GSTO2: variants seen among roughly 807,000 people sequenced by gnomAD.
The protein encoded by GSTO2 is glutathione S-transferase omega 2.
GSTO2 carries 23 observed loss-of-function variants against 28.4 expected under a neutral mutation model. The ratio of observed to expected loss-of-function variants is 0.81; its 90% CI spans 0.58 to 1.15. The LOEUF (loss-of-function observed/expected upper bound fraction) is 1.15. Among genes scored for constraint, GSTO2 ranks in the 50% most tolerant of loss-of-function variants. The pLI, the probability that GSTO2 is intolerant of heterozygous loss-of-function variation, is 0.00. For missense variants in GSTO2, 298 were observed against 297.8 expected (o/e 1.00, Z 0.00); for synonymous variants, 109 against 111.0 (o/e 0.98, Z 0.11).
chr10:104,296,365 G>C (rs781751802), intron 5 of GSTO2: 1 of 152,134 alleles, frequency 6.6e-6, no homozygotes, highest in Admixed American at 6.6e-5. Flanking sequence ...GCTCACACCT[G>C]TATTTCCGGC....
chr10:104,285,880 C>T, intron 5 of GSTO2: 2 of 281,630 alleles, frequency 7.1e-6, no homozygotes, highest in Non-Finnish European at 1.5e-5. Flanking sequence ...TTATTAATTT[C>T]CAGTGATGAA....
chr10:104,273,213 A>G (rs1199417334), intron 1 of GSTO2, among the ~76,000 whole-genome samples: 1 of 152,096 alleles, frequency 6.6e-6, no homozygotes, highest in Admixed American at 6.5e-5. Flanking sequence ...AGTAGAAGTT[A>G]CTCTGTTACT....
intron 5 of GSTO2, among the ~76,000 whole-genome samples, chr10:104,283,900 G>A (rs2135115634): frequency 6.6e-6 from 1 of 152,260 alleles, no homozygotes; most frequent in Middle Eastern, 3.4e-3. Flanking sequence ...AGCAAGCCAA[G>A]ATTTCATGCA....
At chr10:104,298,999 A>AAT in intron 6 of GSTO2, 129 bp from the exon 7 acceptor site, 1 of 798,544 alleles carries the variant, frequency 1.3e-6, no homozygotes, top group Non-Finnish European at 1.9e-6. Context: ...CTCACTTGAT[A>AAT]ATAAGATAAC....
rs1325237650 is a variant in GSTO2 at position 104,303,554 on chromosome 10, T to G, written c.*4270T>G. 2 of 152,222 alleles carry G rather than the reference T, an allele frequency of 1.3e-5. No individual in the cohort carries two copies. Among genetic ancestry groups the G allele is most frequent in the East Asian group, 3.9e-4 (2 of 5,186 alleles). The allele number at this position is 152,222 out of a possible 1,614,324, so 9.4% of individuals were successfully genotyped here. On this transcript the variant is annotated 3_prime_UTR_variant, in exon 7 of 7. Coordinates refer to ENST00000338595, the MANE Select transcript of GSTO2 (RefSeq NM_183239.2). Reference sequence around the variant, plus strand: ...TGTGAGCAAAGAAATTATGTTAAGTTGGAACTTATATTTACAGGGGAAGCA... The same window carrying G: ...TGTGAGCAAAGAAATTATGTTAAGTGGGAACTTATATTTACAGGGGAAGCA...
chr10:104,275,226 G>C lies in GSTO2; in HGVS notation c.35G>C (p.Gly12Ala). 2 of 1,612,328 alleles carry C rather than the reference G, an allele frequency of 1.2e-6. No individual in the cohort carries two copies. Among genetic ancestry groups the C allele is most frequent in the Non-Finnish European group, 1.7e-6 (2 of 1,179,124 alleles). ...SGDATRTLGK[G>A]SQPPGPVPEG... is the part of the protein sequence containing the mutation. ...GTCCCCCTCCATCGCTGCTCTGCAG[G>C]AAGCCAGCCCCCAGGGCCAGTCCCG... Residue 12 changes from glycine (G) to alanine (A), a missense_variant and splice_region_variant, in exon 3 of 7, where the codon GGA becomes GCA. Physicochemically the swap from Gly to Ala is moderately conservative, Grantham distance 60. Coordinates refer to ENST00000338595, the MANE Select transcript of GSTO2 (RefSeq NM_183239.2).
At position 104,274,940 on chromosome 10, in the gene GSTO2, C is replaced by T. The variant is rs775086288; in HGVS notation, c.25C>T (p.Leu9=). 3.7e-6 allele frequency: 6 copies of T among 1,603,562 alleles called. No individual in the cohort carries two copies. Among genetic ancestry groups the T allele is most frequent in the Non-Finnish European group, 5.1e-6 (6 of 1,176,804 alleles). ...CATGTCTGGGGATGCGACCAGGACC[C>T]TGGGGAAAGGTGAGTGCTCTCCATG... MSGDATRT[L]GKGSQPPGPV... is the part of the protein sequence containing the mutation. Residue 9 remains leucine, a synonymous_variant, in exon 2 of 7, where the codon CTG becomes TTG. Transcript: ENST00000338595.
intron 5 of GSTO2, chr10:104,296,151 G>C (rs1564853076): frequency 6.6e-6 from 1 of 152,106 alleles, no homozygotes. Context: ...GCTGTCTTTG[G>C]CTGCCTGTCT....
At chr10:104,291,180 G>C (rs576145685) in intron 5 of GSTO2, 60 of 152,254 alleles carry the variant, frequency 3.9e-4, no homozygotes, top group African/African-American at 1.4e-3. Context: ...TGCTTTTTTG[G>C]GGGGCAGAGA....
intron 5 of GSTO2, among the ~76,000 whole-genome samples, chr10:104,282,870 C>G (rs2012160049): frequency 6.6e-6 from 1 of 152,130 alleles, no homozygotes; most frequent in Non-Finnish European, 1.5e-5. Flanking sequence ...CTTAGAAGAA[C>G]AATGTATGGT....
In GSTO2 at chr10:104,299,127, G is replaced by A. The variant is rs774263980; in HGVS notation, c.576-1G>A. The A allele has an allele frequency of 1.2e-6, 2 of 1,612,862 alleles. No homozygotes were observed. Among genetic ancestry groups the A allele is most frequent in the Admixed American group, 1.7e-5 (1 of 59,884 alleles). On this transcript the variant is annotated splice_acceptor_variant, in intron 6 of 6. Coordinates refer to ENST00000338595, the MANE Select transcript of GSTO2 (RefSeq NM_183239.2). LOFTEE classifies it high-confidence loss of function. ...GCTGACGCTTCTTTCCTGTCTTGCAGCTGTGTGAGCCACACGCCAGCCCTG... is the reference window on the plus strand; with the variant it reads ...GCTGACGCTTCTTTCCTGTCTTGCAACTGTGTGAGCCACACGCCAGCCCTG...
chr10:104,270,327 T>TG (rs552247125), intron 1 of GSTO2, among the ~76,000 whole-genome samples: 40 of 152,326 alleles, frequency 2.6e-4, no homozygotes, highest in African/African-American at 8.9e-4. Flanking sequence ...TCTGCCTTTT[T>TG]GACCACACCA....
intron 1 of GSTO2, among the ~76,000 whole-genome samples, chr10:104,272,414 C>G (rs1248657673): frequency 6.6e-6 from 1 of 151,970 alleles, no homozygotes; most frequent in Admixed American, 6.6e-5. Flanking sequence ...GCCAATCATT[C>G]AGTTCATGGC....
In GSTO2 at chr10:104,275,215, C is replaced by T. The variant is rs138733888; in HGVS notation, c.35-11C>T. On this transcript the variant is annotated splice_polypyrimidine_tract_variant and intron_variant, in intron 2 of 6. Coordinates refer to ENST00000338595, the MANE Select transcript of GSTO2 (RefSeq NM_183239.2). ...CTCCTTTCCCTGTCCCCCTCCATCG[C>T]TGCTCTGCAGGAAGCCAGCCCCCAG... 1.7e-5 allele frequency: 28 copies of T among 1,609,396 alleles called. No homozygotes were observed. Among genetic ancestry groups the T allele is most frequent in the Non-Finnish European group, 2.2e-5 (26 of 1,177,612 alleles).
intron 5 of GSTO2, among the ~76,000 whole-genome samples, chr10:104,287,582 A>G (rs1408578566): frequency 6.6e-6 from 1 of 152,202 alleles, no homozygotes; most frequent in Admixed American, 6.5e-5. Flanking sequence ...AATGAATCAC[A>G]CAGTAATACA....
At chr10:104,273,265 C>A (rs574621406) in intron 1 of GSTO2, among the ~76,000 whole-genome samples, 2 of 149,598 alleles carry the variant, frequency 1.3e-5, no homozygotes, top group Non-Finnish European at 2.9e-5. Flanking sequence ...CGTAGCAAGC[C>A]GGGAACCAAT....
chr10:104,269,243 C>G lies in GSTO2; in HGVS notation c.-258C>G, dbSNP rs374015495. 13 of 152,468 alleles carry G rather than the reference C, an allele frequency of 8.5e-5. No homozygotes were observed. Among genetic ancestry groups the G allele is most frequent in the African/African-American group, 3.1e-4 (13 of 41,464 alleles). 9.4% of individuals were successfully genotyped at this position (152,468 alleles called of 1,614,324 possible). Reference sequence around the variant, plus strand: ...CGGTTGCCCGAGTTCCCGGAGGTCTCTCGCGGGACCTCTCTCACCGCCACC... The same window carrying G: ...CGGTTGCCCGAGTTCCCGGAGGTCTGTCGCGGGACCTCTCTCACCGCCACC... On this transcript the variant is annotated 5_prime_UTR_variant, in exon 1 of 7. Coordinates refer to ENST00000338595, the MANE Select transcript of GSTO2 (RefSeq NM_183239.2).
chr10:104,282,567 A>G (rs78058294), intron 5 of GSTO2, among the ~76,000 whole-genome samples: 2 of 150,128 alleles, frequency 1.3e-5, no homozygotes, highest in Non-Finnish European at 2.9e-5. Context: ...AAAAAAAAAA[A>G]AGAAGAAGAA....
At chr10:104,289,865 A>G (rs533538907) in intron 5 of GSTO2, among the ~76,000 whole-genome samples, 1 of 152,360 alleles carries the variant, frequency 6.6e-6, no homozygotes, top group South Asian at 2.1e-4. Flanking sequence ...AGAAAGGCAA[A>G]TCAAAACTAC....
Sources: gnomAD v4.1 joint callset for allele counts (sites outside exome capture counted in the v4.1 genomes callset) on GRCh38, gnomAD v4.1.1 for gene constraint, MANE v1.5 for transcripts, NCBI Gene and HGNC (gene_info 2026-07-23, HGNC 2026-07-21) for gene names.